GAB2: variants seen among roughly 807,000 people sequenced by gnomAD.
GAB2 encodes GRB2-associated-binding protein 2.
Under a neutral mutation model 65.5 loss-of-function variants are expected in GAB2, and 26 were observed. The ratio of observed to expected loss-of-function variants is 0.40; its 90% CI spans 0.29 to 0.55. GAB2 has a LOEUF of 0.55. Among genes scored for constraint, GAB2 ranks in the 20% least tolerant of loss-of-function variants. GAB2 has a pLI of 0.53. For synonymous variants in GAB2, 321 were observed against 329.6 expected (o/e 0.97, Z 0.28); for missense variants, 884 against 875.8 (o/e 1.01, Z -0.12).
chr11:78,352,022 G>C (rs558215261), intron 1 of GAB2, among the ~76,000 whole-genome samples: 26 of 152,140 alleles, frequency 1.7e-4, no homozygotes, highest in South Asian at 6.2e-4. Flanking sequence ...AGACCAGCTG[G>C]GCAGCACGGT....
intron 1 of GAB2, among the ~76,000 whole-genome samples, chr11:78,375,037 C>T (rs141235547): frequency 6.6e-5 from 10 of 152,238 alleles, no homozygotes; most frequent in Admixed American, 2.6e-4. Context: ...TTGTATATTT[C>T]GTTTATTTAT....
At chr11:78,293,389 G>C (rs944026123) in intron 1 of GAB2, among the ~76,000 whole-genome samples, 3 of 152,072 alleles carry the variant, frequency 2.0e-5, no homozygotes, top group African/African-American at 7.2e-5. Context: ...CTATATAACT[G>C]TTCAATGAAA....
intron 1 of GAB2, among the ~76,000 whole-genome samples, chr11:78,363,510 A>G (rs756029046): frequency 2.0e-5 from 3 of 152,222 alleles, no homozygotes; most frequent in Non-Finnish European, 4.4e-5. Flanking sequence ...TTAAGTACTG[A>G]GAATACACAG....
chr11:78,258,797 A>C (rs574580638), intron 2 of GAB2, among the ~76,000 whole-genome samples: 1 of 152,248 alleles, frequency 6.6e-6, no homozygotes, highest in East Asian at 1.9e-4. Context: ...CATACAATAT[A>C]TGAATCAGTT....
chr11:78,367,821 CTTTTTTTTTT>C (rs569887849), intron 1 of GAB2, among the ~76,000 whole-genome samples: 5 of 116,122 alleles, frequency 4.3e-5, no homozygotes, highest in African/African-American at 9.7e-5. Flanking sequence ...TTTTCTTTTT[CTTTTTTTTTT>C]TTTTTTTTTT....
intron 1 of GAB2, among the ~76,000 whole-genome samples, chr11:78,292,164 C>T (rs1866700742): frequency 6.6e-6 from 1 of 152,194 alleles, no homozygotes. Context: ...CCAGTAACCT[C>T]AGTTAGATTC....
chr11:78,226,633 A>C lies in GAB2; in HGVS notation c.1039T>G (p.Ser347Ala), dbSNP rs1864666602. Residue 347 changes from serine to alanine, a missense_variant, in exon 4 of 10, where the codon TCA (serine) becomes GCA (alanine). Coordinates refer to ENST00000361507, the MANE Select transcript of GAB2 (RefSeq NM_080491.3). ...GGGCGGGGTGGGGGAGCTATGGCTG[A>C]GTCCCCAGGAGTGGCCACTGTCATG... ...NAMTVATPGDSAIAPPPRPPK... is the reference protein window; with the variant it reads ...NAMTVATPGDAAIAPPPRPPK... 6.2e-7 allele frequency: 1 copy of C among 1,613,816 alleles called. No homozygotes were observed. The highest frequency in any genetic ancestry group is 8.5e-7 in the Non-Finnish European group (1 of 1,179,852).
Position 78,407,770 on chromosome 11 carries a change from G to A in GAB2, c.75+9876C>T, listed in dbSNP as rs185322616. On this transcript the variant is annotated intron_variant, in intron 1 of 9. Coordinates refer to ENST00000361507, the MANE Select transcript of GAB2 (RefSeq NM_080491.3). ...AGAAAAAGAAAGAAAGAAAGAAAGA[G>A]AGAGAAAGAAAGAAAGAAAAGAAAA... 2.7e-4 allele frequency among the ~76,000 whole-genome samples: 41 copies of A among 149,778 alleles called. 1 individual carries two copies. In the East Asian group the frequency reaches 6.6e-3, roughly 24 times the overall value.
At chr11:78,266,214 C>CAAAAAAAAA (rs11445907) in intron 2 of GAB2, among the ~76,000 whole-genome samples, 7 of 65,040 alleles carry the variant, frequency 1.1e-4, no homozygotes, top group Admixed American at 2.7e-4. Context: ...GACTCCATCT[C>CAAAAAAAAA]AAAAAAAAAA....
chr11:78,229,339 T>C (rs2450129), intron 3 of GAB2, among the ~76,000 whole-genome samples: 29,500 of 151,978 alleles, frequency 0.19, 3,098 homozygotes, highest in East Asian at 0.4. Flanking sequence ...GCAAGCACAT[T>C]AGAAGGCAGG....
intron 1 of GAB2, among the ~76,000 whole-genome samples, chr11:78,287,843 T>C (rs1448919734): frequency 6.6e-6 from 1 of 151,340 alleles, no homozygotes; most frequent in Non-Finnish European, 1.5e-5. Flanking sequence ...AGATGGGGTT[T>C]CACCACGTTG....
chr11:78,241,276 A>G (rs1239273393), intron 3 of GAB2, among the ~76,000 whole-genome samples: 1 of 152,228 alleles, frequency 6.6e-6, no homozygotes, highest in Non-Finnish European at 1.5e-5. Flanking sequence ...ATCCTTCTCA[A>G]CTGGAACACT....
intron 1 of GAB2, among the ~76,000 whole-genome samples, chr11:78,416,191 T>C (rs1857193421): frequency 6.6e-6 from 1 of 152,222 alleles, no homozygotes; most frequent in Non-Finnish European, 1.5e-5. Context: ...CTCCTAAAAA[T>C]GAGCTTCCGA....
intron 2 of GAB2, among the ~76,000 whole-genome samples, chr11:78,253,225 G>A (rs1865506529): frequency 6.6e-6 from 1 of 151,880 alleles, no homozygotes; most frequent in South Asian, 2.1e-4. Flanking sequence ...TGGCCAGGAT[G>A]GTCTCGATCA....
At chr11:78,262,785 T>C (rs1865767870) in intron 2 of GAB2, among the ~76,000 whole-genome samples, 1 of 152,186 alleles carries the variant, frequency 6.6e-6, no homozygotes. Flanking sequence ...CAAAATACTA[T>C]CTGTACTGAG....
intron 1 of GAB2, among the ~76,000 whole-genome samples, chr11:78,347,078 T>C (rs1025944492): frequency 1.3e-5 from 2 of 152,106 alleles, no homozygotes; most frequent in Admixed American, 6.5e-5. Flanking sequence ...TAACTGTCCA[T>C]GTGGCCAAAC....
At chr11:78,268,958 G>A (rs1442332561) in intron 2 of GAB2, among the ~76,000 whole-genome samples, 1 of 152,072 alleles carries the variant, frequency 6.6e-6, no homozygotes, top group Non-Finnish European at 1.5e-5. Context: ...AGAACCAGCT[G>A]TAAATGAAAA....
intron 1 of GAB2, among the ~76,000 whole-genome samples, chr11:78,415,751 C>T (rs1857187053): frequency 6.6e-6 from 1 of 152,176 alleles, no homozygotes; most frequent in Admixed American, 6.5e-5. Context: ...TGCCTCCAAA[C>T]CTGGTTATTT....
At chr11:78,377,125 T>G (rs1317860157) in intron 1 of GAB2, among the ~76,000 whole-genome samples, 2 of 152,260 alleles carry the variant, frequency 1.3e-5, no homozygotes, top group Non-Finnish European at 2.9e-5. Flanking sequence ...TGGTAAAGCC[T>G]GCAGAACTGT....
Sources: gnomAD v4.1 joint callset for allele counts (sites outside exome capture counted in the v4.1 genomes callset) on GRCh38, gnomAD v4.1.1 for gene constraint, MANE v1.5 for transcripts, NCBI Gene and HGNC (gene_info 2026-07-23, HGNC 2026-07-21) for gene names.